Variants in FRMD1 observed in about 807,000 individuals in gnomAD.
FRMD1 encodes the protein FERM domain-containing protein 1.
A neutral mutation model predicts 54.9 loss-of-function variants in FRMD1; 51 were observed. The observed-to-expected ratio is 0.93, with a 90% CI of 0.74 to 1.17. The LOEUF is 1.17. FRMD1 is among the 50% of genes most tolerant of loss of function. The probability of loss-of-function intolerance (pLI) is 0.00; values close to 1 mark genes in which losing one functional copy is unlikely to be tolerated. For missense variants in FRMD1, 729 were observed against 743.0 expected (o/e 0.98, Z 0.22); for synonymous variants, 324 against 306.4 (o/e 1.06, Z -0.60).
Position 168,061,000 on chromosome 6 carries a change from C to G in FRMD1, c.1103G>C (p.Ser368Thr), listed in dbSNP as rs200270905. 2.4e-4 allele frequency: 381 copies of G among 1,613,038 alleles called. No individual in the cohort carries two copies. Among genetic ancestry groups the G allele is most frequent in the Non-Finnish European group, 3.1e-4 (368 of 1,179,970 alleles). Residue 368 changes from serine to threonine, a missense_variant, in exon 9 of 11, where the codon AGC becomes ACC. Physicochemically the swap from Ser to Thr is moderately conservative, Grantham distance 58 (BLOSUM62 1). Transcript: ENST00000283309. ...ISDELELDLA[S>T]RSFPGSGVSS... Reference sequence around the variant, plus strand: ...GACCCCACTGCCCGGGAAGCTCCTGCTGGCCAGGTCCAGCTCCAGCTCATC... The same window carrying G: ...GACCCCACTGCCCGGGAAGCTCCTGGTGGCCAGGTCCAGCTCCAGCTCATC...
chr6:168,078,615 C>T (rs1349068558), intron 1 of FRMD1, among the ~76,000 whole-genome samples: 27 of 127,914 alleles, frequency 2.1e-4, no homozygotes, highest in Admixed American at 8.8e-4. Context: ...CCCTCACGGC[C>T]CTGCTCACCC....
At chr6:168,074,642 G>GGT (rs1392276039) in intron 2 of FRMD1, among the ~76,000 whole-genome samples, 1 of 139,846 alleles carries the variant, frequency 7.2e-6, no homozygotes, top group East Asian at 2.2e-4. Context: ...ATGTGTGACT[G>GGT]GTGTGTGTGC....
intron 3 of FRMD1, 195 bp from the exon 4 acceptor site, chr6:168,067,026 G>A (rs535215531): frequency 3.1e-5 from 25 of 793,766 alleles, no homozygotes; most frequent in Admixed American, 8.1e-5. Flanking sequence ...GTGGTCTACA[G>A]CGTTCAAGAA....
chr6:168,057,230 G>T lies in FRMD1; in HGVS notation c.1517C>A (p.Thr506Asn), dbSNP rs1460323093. ...CCTGCAGTCCAGGGCGCGGTGGAAG[G>T]TATGGCTGAGTGAGGTGGGCGCTGG... Reference protein sequence around the residue: ...LHPAPTSLSHTFHRALDCRLA... With the variant: ...LHPAPTSLSHNFHRALDCRLA... Residue 506 changes from threonine to asparagine, a missense_variant, in exon 11 of 11, where the codon ACC (threonine) becomes AAC (asparagine). Physicochemically the swap from Thr to Asn is moderately conservative, Grantham distance 65. Transcript: ENST00000283309. 6.2e-7 allele frequency: 1 copy of T among 1,610,220 alleles called. No individual in the cohort carries two copies. Among genetic ancestry groups the T allele is most frequent in the Admixed American group, 1.7e-5 (1 of 59,684 alleles).
chr6:168,084,564 T>C (rs1452659397), upstream of FRMD1, among the ~76,000 whole-genome samples: 1 of 152,062 alleles, frequency 6.6e-6, no homozygotes, highest in Non-Finnish European at 1.5e-5. Context: ...GGGAGGTGCA[T>C]TGAGCTTGGT....
chr6:168,086,871 CACCTGTTAGCCAGG>C (rs935476947), intron 1 of FRMD1, among the ~76,000 whole-genome samples: 2 of 152,366 alleles, frequency 1.3e-5, no homozygotes, highest in Non-Finnish European at 2.9e-5. Flanking sequence ...TGCCCTTGGG[CACCTGTTAGCCAGG>C]ACCTTTGCTC....
chr6:168,055,814 C>A lies in FRMD1; in HGVS notation c.*1283G>T, dbSNP rs568801259. On this transcript the variant is annotated 3_prime_UTR_variant, in exon 11 of 11. Coordinates refer to ENST00000283309, the MANE Select transcript of FRMD1 (RefSeq NM_024919.6). ...CTGGTTCAAGCAGGAGGCATCTGCT[C>A]GGGTTCTTTATTACACGTGCCTGGG... 1 of 152,162 alleles carries A rather than the reference C, an allele frequency of 6.6e-6. No homozygotes were observed. The highest frequency in any genetic ancestry group is 1.5e-5 in the Non-Finnish European group (1 of 68,036). 9.4% of individuals were successfully genotyped at this position (152,162 alleles called of 1,614,324 possible). A position where few individuals can be genotyped will look rare whatever the true frequency, so the allele number is the denominator to read the frequency against.
chr6:168,081,080 C>T (rs760882582), upstream of FRMD1, among the ~76,000 whole-genome samples: 6 of 152,198 alleles, frequency 3.9e-5, no homozygotes, highest in Non-Finnish European at 5.9e-5. Context: ...AGGGCCACAC[C>T]GTTGAGGTTC....
intron 6 of FRMD1, 53 bp from the exon 7 acceptor site, chr6:168,063,012 A>G: frequency 6.8e-7 from 1 of 1,468,260 alleles, no homozygotes; most frequent in Non-Finnish European, 9.5e-7. Flanking sequence ...GCTGGGCCTC[A>G]CTGATGGCAG....
At chr6:168,089,378 G>T (rs1421271445) in intron 1 of FRMD1, among the ~76,000 whole-genome samples, 1 of 152,224 alleles carries the variant, frequency 6.6e-6, no homozygotes, top group African/African-American at 2.4e-5. Flanking sequence ...AAGGCCCGTG[G>T]CCCTGGAGGG....
Position 168,074,171 on chromosome 6 carries a change from C to T in FRMD1, c.304+1074G>A, listed in dbSNP as rs150736047. Among the ~76,000 whole-genome samples the T allele has an allele frequency of 4.7e-3, 716 of 152,278 alleles. 8 individuals are homozygous for T. The highest frequency in any genetic ancestry group is 0.016 in the African/African-American group (681 of 41,546). On this transcript the variant is annotated intron_variant, in intron 2 of 10. Coordinates refer to ENST00000283309, the MANE Select transcript of FRMD1 (RefSeq NM_024919.6). ...TGAAGCACTTTGGGTTCTCACGGCT[C>T]TTCCATGCGACACAATCCAGCTGCA...
chr6:168,085,008 C>T (rs764827054), upstream of FRMD1, among the ~76,000 whole-genome samples: 6 of 152,212 alleles, frequency 3.9e-5, no homozygotes, highest in East Asian at 1.9e-4. Flanking sequence ...CACTCCCTCC[C>T]GTGTTCCTGG....
upstream of FRMD1, chr6:168,081,250 G>C: frequency 8.7e-7 from 1 of 1,148,242 alleles, no homozygotes; most frequent in Non-Finnish European, 1.2e-6. Context: ...GGGCACTGAG[G>C]GGACACCAGA....
At chr6:168,073,505 C>A (rs968486377) in intron 2 of FRMD1, among the ~76,000 whole-genome samples, 2 of 152,182 alleles carry the variant, frequency 1.3e-5, no homozygotes, top group Admixed American at 6.5e-5. Flanking sequence ...AGGGGTCCCA[C>A]AGCCCCCAGA....
At chr6:168,068,593 CTATT>C (rs1388954614) in intron 2 of FRMD1, among the ~76,000 whole-genome samples, 2 of 152,112 alleles carry the variant, frequency 1.3e-5, no homozygotes, top group African/African-American at 4.8e-5. Context: ...TATTGTTGTA[CTATT>C]TATTGTTATT....
intron 2 of FRMD1, 136 bp from the exon 3 acceptor site, chr6:168,067,582 T>TG (rs1800108262): frequency 6.4e-6 from 4 of 621,376 alleles, no homozygotes; most frequent in African/African-American, 1.8e-5. Context: ...ACGCTGCATA[T>TG]GGGGCTTTCC....
chr6:168,082,843 G>A (rs1800857902), upstream of FRMD1, among the ~76,000 whole-genome samples: 1 of 152,218 alleles, frequency 6.6e-6, no homozygotes. Context: ...ATAGTGCAGG[G>A]CCTGGGTTGG....
At chr6:168,064,756 C>T (rs1799938757) in intron 5 of FRMD1, 115 bp downstream of exon 5, 1 of 1,462,046 alleles carries the variant, frequency 6.8e-7, no homozygotes, top group Non-Finnish European at 9.1e-7. Flanking sequence ...ATCCCTGACC[C>T]TTGCTCCAGC....
chr6:168,091,318 C>T (rs904282394), intron 1 of FRMD1, among the ~76,000 whole-genome samples: 1 of 152,238 alleles, frequency 6.6e-6, no homozygotes, highest in African/African-American at 2.4e-5. Context: ...TCCACGGACT[C>T]TGCTCTCTGT....
Sources: gnomAD v4.1 joint callset for allele counts (sites outside exome capture counted in the v4.1 genomes callset) on GRCh38, gnomAD v4.1.1 for gene constraint, MANE v1.5 for transcripts, NCBI Gene and HGNC (gene_info 2026-07-23, HGNC 2026-07-21) for gene names.